RNF123: variants seen among roughly 807,000 people sequenced by gnomAD.
The protein encoded by RNF123 is E3 ubiquitin-protein ligase RNF123.
RNF123 carries 86 observed loss-of-function variants against 168.5 expected under a neutral mutation model. That is an observed-to-expected ratio of 0.51 (90% CI 0.43 to 0.61). The LOEUF is 0.61. Ranked by LOEUF, RNF123 falls within the 20% of genes least tolerant of loss-of-function variation. The pLI is 0.00. For missense variants in RNF123, 1,419 were observed against 1,729.7 expected (o/e 0.82, Z 3.19); for synonymous variants, 666 against 689.1 (o/e 0.97, Z 0.52).
chr3:49,710,889 A>G lies in RNF123; in HGVS notation c.2497-1590A>G, dbSNP rs896858129. On this transcript the variant is annotated intron_variant, in intron 26 of 38. Transcript: ENST00000327697. ...AGGCTTTTCATATATGGTCTTTATT[A>G]TGTTGAACTGCCTTCATTCTCTGCA... Among the ~76,000 whole-genome samples, 5 of 152,234 alleles carry G rather than the reference A, an allele frequency of 3.3e-5. No homozygotes were observed. The South Asian group carries it at 8.3e-4, about 25-fold the overall frequency.
At position 49,706,916 on chromosome 3, in the gene RNF123, C is replaced by T; in HGVS notation, c.2496+18C>T. On this transcript the variant is annotated intron_variant, in intron 26 of 38. Transcript: ENST00000327697. ...ACTCCCAGGTGTGCTGGTATTGCAG[C>T]TGCCCCTTCCCGACCTCACTGTCTG... The T allele has an allele frequency of 1.9e-6, 3 of 1,605,490 alleles. No homozygotes were observed. The highest frequency in any genetic ancestry group is 2.6e-6 in the Non-Finnish European group (3 of 1,172,166).
At chr3:49,691,781 T>A (rs1055267077) in intron 3 of RNF123, among the ~76,000 whole-genome samples, 2 of 152,188 alleles carry the variant, frequency 1.3e-5, no homozygotes, top group African/African-American at 4.8e-5. Context: ...TGGCACCTAC[T>A]CCATACCCAG....
intron 36 of RNF123, 51 bp downstream of exon 36, chr3:49,720,704 A>G (rs2080385456): frequency 6.2e-7 from 1 of 1,601,838 alleles, no homozygotes; most frequent in Non-Finnish European, 8.5e-7. Flanking sequence ...GGGTCGGGTC[A>G]GGAGCCTTAA....
Position 49,705,006 on chromosome 3 carries a change from T to C in RNF123, c.1982T>C (p.Val661Ala), listed in dbSNP as rs2054485460. Residue 661 changes from valine to alanine, a missense_variant, in exon 23 of 39, where the codon GTT becomes GCT. By Grantham distance (64) the Val-to-Ala change is moderately conservative (BLOSUM62 0). Transcript: ENST00000327697. ...MAQRPMQALA[V>A]GGPLPLPRPG... ...CAGCGCCCCATGCAGGCCCTGGCTG[T>C]TGGGGGGCCACTGCCCCTGCCCCGG... 1.2e-6 allele frequency: 2 copies of C among 1,607,706 alleles called. No homozygotes were observed. The highest frequency in any genetic ancestry group is 2.7e-5 in the African/African-American group (2 of 74,814).
chr3:49,718,973 C>T, intron 35 of RNF123: 3 of 1,613,816 alleles, frequency 1.9e-6, no homozygotes, highest in Non-Finnish European at 2.5e-6. Context: ...TCGTTGCAGC[C>T]CAGGTAGAGA....
Position 49,714,075 on chromosome 3 carries a change from C to G in RNF123, c.2926-15C>G. On this transcript the variant is annotated splice_polypyrimidine_tract_variant and intron_variant, in intron 30 of 38. Transcript: ENST00000327697. ...GCTGTCCCATTGACCTGGGCACTGA[C>G]CCCCACCTCCACAGGGCTGTGGCTT... 6.2e-7 allele frequency: 1 copy of G among 1,614,008 alleles called. No homozygotes were observed. Among genetic ancestry groups the G allele is most frequent in the Non-Finnish European group, 8.5e-7 (1 of 1,179,990 alleles).
In RNF123 at chr3:49,705,085, A is replaced by G. The variant is rs913454091; in HGVS notation, c.2061A>G (p.Thr687=). ...TLGRANRFLS[T]AAVSLMTPRR... ...GCCGAGCCAACCGCTTCCTCAGCAC[A>G]GCGGCTGTGAGCCTCATGACCCCAC... is the stretch of plus-strand genomic sequence containing the variant. Residue 687 remains threonine (T), a synonymous_variant, in exon 23 of 39, where the codon ACA becomes ACG. Transcript: ENST00000327697. 6.2e-7 allele frequency: 1 copy of G among 1,611,938 alleles called. No individual in the cohort carries two copies. The highest frequency in any genetic ancestry group is 1.7e-5 in the Admixed American group (1 of 59,754).
In RNF123 at chr3:49,702,773, C is replaced by T. The variant is rs1393043062; in HGVS notation, c.1750+20C>T. On this transcript the variant is annotated intron_variant, in intron 20 of 38. Transcript: ENST00000327697. ...GTGAGGGTGAGTGGCACCGGGGTCCCAGGTCAGTGAGGCTGGACAGAGCCA... is the reference window on the plus strand; with the variant it reads ...GTGAGGGTGAGTGGCACCGGGGTCCTAGGTCAGTGAGGCTGGACAGAGCCA... 2 of 1,613,842 alleles carry T rather than the reference C, an allele frequency of 1.2e-6. No homozygotes were observed. The highest frequency in any genetic ancestry group is 2.2e-5 in the East Asian group (1 of 44,890).
chr3:49,713,177 C>G (rs1431281177), intron 27 of RNF123: 1 of 591,006 alleles, frequency 1.7e-6, no homozygotes, highest in Non-Finnish European at 3.0e-6. Flanking sequence ...GCCCCCTGCC[C>G]AGCCACAGGC....
Position 49,705,246 on chromosome 3 carries a change from C to T in RNF123, c.2158+64C>T, listed in dbSNP as rs2054492373. 2.8e-5 allele frequency: 43 copies of T among 1,525,408 alleles called. No individual in the cohort carries two copies. The South Asian group carries it at 5.1e-4, about 18-fold the overall frequency. 94.5% of individuals were successfully genotyped at this position (1,525,408 alleles called of 1,614,324 possible). A position where few individuals can be genotyped will look rare whatever the true frequency, so the allele number is the denominator to read the frequency against. ...CCTTCCACAGTGTACAGTCCCCGATCCGGGCAAAGCCAAAATACACCCCAT... is the reference window on the plus strand; with the variant it reads ...CCTTCCACAGTGTACAGTCCCCGATTCGGGCAAAGCCAAAATACACCCCAT... On this transcript the variant is annotated intron_variant, in intron 23 of 38. Transcript: ENST00000327697.
rs750890694 is a variant in RNF123, at chr3:49,721,464, C to T, written c.*159C>T. ...TCATTGGTGGGAGCCCAGCCATGGCCCTAATTGTGCCTGAGCTTGACTTTC... is the reference window on the plus strand; with the variant it reads ...TCATTGGTGGGAGCCCAGCCATGGCTCTAATTGTGCCTGAGCTTGACTTTC... On this transcript the variant is annotated 3_prime_UTR_variant, in exon 39 of 39. Coordinates refer to ENST00000327697, the MANE Select transcript of RNF123 (RefSeq NM_022064.5). 11 of 999,882 alleles carry T rather than the reference C, an allele frequency of 1.1e-5. No homozygotes were observed. The highest frequency in any genetic ancestry group is 3.2e-5 in the African/African-American group (2 of 63,396). 61.9% of individuals were successfully genotyped at this position (999,882 alleles called of 1,614,324 possible).
intron 35 of RNF123, 177 bp from the exon 36 acceptor site, chr3:49,720,330 AAAAC>A (rs1311536314): frequency 3.2e-5 from 16 of 505,594 alleles, no homozygotes; most frequent in Middle Eastern, 5.3e-4. Flanking sequence ...AAAAAAAAAA[AAAAC>A]AGGCTGTGTG....
At chr3:49,720,347 A>T in intron 35 of RNF123, 164 bp from the exon 36 acceptor site, 2 of 544,176 alleles carry the variant, frequency 3.7e-6, no homozygotes, top group Non-Finnish European at 5.8e-6. Flanking sequence ...GCTGTGTGGC[A>T]CCTTACTAGA....
chr3:49,712,560 G>T lies in RNF123; in HGVS notation c.2578G>T (p.Ala860Ser). The T allele has an allele frequency of 1.2e-6, 2 of 1,614,162 alleles. No homozygotes were observed. The highest frequency in any genetic ancestry group is 2.2e-5 in the South Asian group (2 of 91,084). ...CGGTGATCGCACAGGGTCTCTCTTT[G>T]CCTTCATGCCCGAGTTCTACCTGAG... ...EHGDRTGSLF[A>S]FMPEFYLSVA... is the part of the protein sequence containing the mutation. The change falls in exon 27 of 39, where the codon GCC becomes TCC. Residue 860 changes from alanine (A) to serine (S), a missense_variant. Physicochemically the swap from Ala to Ser is moderately conservative, Grantham distance 99. Around this residue, in one of 5 missense-constraint regions of RNF123, gnomAD observed 538 missense variants for 708.8 expected, o/e 0.76. Coordinates refer to ENST00000327697, the MANE Select transcript of RNF123 (RefSeq NM_022064.5).
At chr3:49,697,985 A>G in intron 6 of RNF123, 46 bp downstream of exon 6, 2 of 1,613,466 alleles carry the variant, frequency 1.2e-6, no homozygotes, top group Non-Finnish European at 1.7e-6. Context: ...GAGAAAGTTT[A>G]AGGGCCCAGG....
In RNF123 at chr3:49,720,525, C is replaced by A; in HGVS notation, c.3515C>A (p.Thr1172Lys). The A allele has an allele frequency of 6.3e-7, 1 of 1,597,588 alleles. No individual in the cohort carries two copies. Residue 1172 changes from threonine to lysine, a missense_variant, in exon 36 of 39, where the codon ACA (threonine) becomes AAA (lysine). By Grantham distance (78) the Thr-to-Lys change is moderately conservative. Around this residue, in one of 5 missense-constraint regions of RNF123, gnomAD observed 164 missense variants for 152.3 expected, o/e 1.08. Transcript: ENST00000327697. ...CCCCTACCTAGGAGAGAGCAAGCCA[C>A]ATCAGTGCTCCTGGCAGATCCCTGC... ...RGPASEREQA[T>K]SVLLADPCFQ...
intron 1 of RNF123, among the ~76,000 whole-genome samples, chr3:49,690,871 C>T (rs1363685475): frequency 6.6e-6 from 1 of 152,218 alleles, no homozygotes; most frequent in Admixed American, 6.5e-5. Context: ...AAAAATATAT[C>T]TAGTACCTGC....
rs2054512187 is a variant in RNF123 at position 49,706,072 on chromosome 3, C to T, written c.2388+7C>T. 3 of 1,612,850 alleles carry T rather than the reference C, an allele frequency of 1.9e-6. No individual in the cohort carries two copies. The highest frequency in any genetic ancestry group is 1.1e-5 in the South Asian group (1 of 91,082). On this transcript the variant is annotated splice_region_variant and intron_variant, in intron 25 of 38. Transcript: ENST00000327697. ...CCGCCGGTGCCCCAAGAGGGTAAGGCCCACATAGTCTTGGTGAGGGGCAGC... is the reference window on the plus strand; with the variant it reads ...CCGCCGGTGCCCCAAGAGGGTAAGGTCCACATAGTCTTGGTGAGGGGCAGC...
At chr3:49,719,662 C>G (rs1257966887) in intron 35 of RNF123, 2 of 573,048 alleles carry the variant, frequency 3.5e-6, no homozygotes, top group Non-Finnish European at 6.3e-6. Context: ...AGCCGCGCTC[C>G]CTTCGGCTTC....
Sources: gnomAD v4.1 joint callset for allele counts (sites outside exome capture counted in the v4.1 genomes callset) on GRCh38, gnomAD v4.1.1 for gene constraint, gnomAD v4.1.1 regional missense constraint, MANE v1.5 for transcripts, NCBI Gene and HGNC (gene_info 2026-07-23, HGNC 2026-07-21) for gene names.